GALNT5: variants seen among roughly 807,000 people sequenced by gnomAD.
GALNT5 encodes polypeptide N-acetylgalactosaminyltransferase 5.
A neutral mutation model predicts 85.4 loss-of-function variants in GALNT5; 72 were observed. The observed-to-expected ratio is 0.84, with a 90% CI of 0.70 to 1.03. The LOEUF (loss-of-function observed/expected upper bound fraction) is 1.03. GALNT5 is among the 50% of genes least tolerant of loss of function. The pLI is 0.00. For synonymous variants in GALNT5, 404 were observed against 397.0 expected (o/e 1.02, Z -0.21); for missense variants, 1,137 against 1,135.5 (o/e 1.00, Z -0.02).
intron 1 of GALNT5, among the ~76,000 whole-genome samples, chr2:157,280,447 G>A (rs1187793744): frequency 1.3e-5 from 2 of 152,198 alleles, no homozygotes; most frequent in East Asian, 3.9e-4. Context: ...AAAGAGGCAA[G>A]GAACAGAATG....
intron 2 of GALNT5, among the ~76,000 whole-genome samples, chr2:157,285,263 C>G (rs1411228163): frequency 1.3e-5 from 2 of 152,154 alleles, no homozygotes; most frequent in African/African-American, 4.8e-5. Context: ...GGCTGAAAAA[C>G]ATAAAATGTG....
chr2:157,259,952 C>T (rs752046799), intron 1 of GALNT5, among the ~76,000 whole-genome samples: 2 of 152,206 alleles, frequency 1.3e-5, no homozygotes, highest in Non-Finnish European at 2.9e-5. Flanking sequence ...GGGAAAGAAG[C>T]ACACAGAAGG....
At chr2:157,287,251 G>A (rs143217523) in intron 3 of GALNT5, among the ~76,000 whole-genome samples, 516 of 152,244 alleles carry the variant, frequency 3.4e-3, no homozygotes, top group Middle Eastern at 0.014. Context: ...TTACCCAATG[G>A]TTTTTAGTAT....
chr2:157,272,867 A>T (rs1299662738), intron 1 of GALNT5, among the ~76,000 whole-genome samples: 1 of 152,190 alleles, frequency 6.6e-6, no homozygotes, highest in African/African-American at 2.4e-5. Flanking sequence ...ATTTGGATAT[A>T]TACCTAGTAA....
At chr2:157,285,489 A>C (rs900033467) in intron 2 of GALNT5, among the ~76,000 whole-genome samples, 2 of 152,170 alleles carry the variant, frequency 1.3e-5, no homozygotes, top group African/African-American at 4.8e-5. Flanking sequence ...AGTCACATAA[A>C]CATAGCTCAT....
At chr2:157,294,499 GGT>G (rs776038315) in intron 3 of GALNT5, among the ~76,000 whole-genome samples, 11 of 152,174 alleles carry the variant, frequency 7.2e-5, no homozygotes, top group Non-Finnish European at 1.3e-4. Context: ...TCCTGGCAGA[GGT>G]TTTGGCCTGA....
chr2:157,305,653 A>T lies in GALNT5; in HGVS notation c.2440-96A>T. The T allele has an allele frequency of 4.2e-6, 3 of 715,124 alleles. No homozygotes were observed. In the East Asian group the frequency reaches 8.1e-5, roughly 19 times the overall value. The allele number at this position is 715,124 out of a possible 1,614,324, so 44.3% of individuals were successfully genotyped here. Reference sequence around the variant, plus strand: ...TGCTAAGCTATTAACTTTTAACCTTATTATAGTTTTATATTCTGTATTTTC... The same window carrying T: ...TGCTAAGCTATTAACTTTTAACCTTTTTATAGTTTTATATTCTGTATTTTC... On this transcript the variant is annotated intron_variant, in intron 7 of 9. Transcript: ENST00000259056.
intron 1 of GALNT5, among the ~76,000 whole-genome samples, chr2:157,281,924 T>A (rs979781355): frequency 1.3e-5 from 2 of 152,180 alleles, no homozygotes; most frequent in African/African-American, 4.8e-5. Flanking sequence ...CTGTTCAGAG[T>A]ACAAATGTGA....
At chr2:157,310,525 T>C (rs1683547164) in intron 9 of GALNT5, among the ~76,000 whole-genome samples, 1 of 152,166 alleles carries the variant, frequency 6.6e-6, no homozygotes, top group Non-Finnish European at 1.5e-5. Flanking sequence ...TTTTTAAAGT[T>C]TAAAAACAAC....
chr2:157,258,904 G>C lies in GALNT5; in HGVS notation c.822G>C (p.Thr274=). The C allele has an allele frequency of 2.6e-6, 4 of 1,560,330 alleles. No homozygotes were observed. Among genetic ancestry groups the C allele is most frequent in the African/African-American group, 1.4e-5 (1 of 72,882 alleles). ...EVNANKHKAN[T]SLPFPKFTVN... ...ATGCAAATAAACACAAAGCCAATAC[G>C]AGTCTTCCTTTTCCTAAGTTCACTG... The change falls in exon 1 of 10, where the codon ACG becomes ACC. Residue 274 remains threonine (T), a synonymous_variant. Coordinates refer to ENST00000259056, the MANE Select transcript of GALNT5 (RefSeq NM_014568.3).
chr2:157,279,058 T>C (rs956609151), intron 1 of GALNT5, among the ~76,000 whole-genome samples: 6 of 152,254 alleles, frequency 3.9e-5, no homozygotes, highest in African/African-American at 1.4e-4. Flanking sequence ...TTAGTTTTCC[T>C]TCTAACAGTC....
rs1019493487 is a variant in GALNT5 at position 157,311,089 on chromosome 2, G to A, written c.2683-119G>A. The A allele has an allele frequency of 7.6e-6, 6 of 789,732 alleles. No individual in the cohort carries two copies. The African/African-American group carries it at 8.8e-5, about 12-fold the overall frequency. The allele number at this position is 789,732 out of a possible 1,614,324, so 48.9% of individuals were successfully genotyped here. On this transcript the variant is annotated intron_variant, in intron 9 of 9. Transcript: ENST00000259056. ...TTTATGTTAATAATTTAGTTCAGAA[G>A]AATTCTTAAAAATCAAAAATATAAC...
intron 1 of GALNT5, among the ~76,000 whole-genome samples, chr2:157,268,501 T>C (rs994862505): frequency 6.6e-6 from 1 of 152,232 alleles, no homozygotes; most frequent in Non-Finnish European, 1.5e-5. Context: ...ACATCCATTA[T>C]CTCATCAAAT....
At chr2:157,284,740 C>T (rs890659763) in intron 2 of GALNT5, among the ~76,000 whole-genome samples, 1 of 152,144 alleles carries the variant, frequency 6.6e-6, no homozygotes, top group Non-Finnish European at 1.5e-5. Flanking sequence ...GTTTAGATGT[C>T]CTCTACAATT....
Position 157,266,792 on chromosome 2 carries a change from C to T in GALNT5, c.1454+7256C>T, listed in dbSNP as rs76095248. On this transcript the variant is annotated intron_variant, in intron 1 of 9. Coordinates refer to ENST00000259056, the MANE Select transcript of GALNT5 (RefSeq NM_014568.3). Reference sequence around the variant, plus strand: ...TTTCCACAGGTGACAGCTTTTCCTTCCTTTGTTTCCTTATAGTCATATGAC... The same window carrying T: ...TTTCCACAGGTGACAGCTTTTCCTTTCTTTGTTTCCTTATAGTCATATGAC... Among the ~76,000 whole-genome samples, 671 of 152,326 alleles carry T rather than the reference C, an allele frequency of 4.4e-3. 8 individuals are homozygous for T. The highest frequency in any genetic ancestry group is 0.016 in the African/African-American group (650 of 41,570).
chr2:157,261,668 C>T (rs1682342678), intron 1 of GALNT5, among the ~76,000 whole-genome samples: 2 of 152,194 alleles, frequency 1.3e-5, no homozygotes, highest in Admixed American at 1.3e-4. Context: ...TAGTCCTCTT[C>T]TTTGAAAGAG....
chr2:157,258,853 A>G lies in GALNT5; in HGVS notation c.771A>G (p.Lys257=). ...CTGGGGAAGCCATGGCCTTAAACAA[A>G]ACTAAGACTCAGAGCAAAGAAGTCA... ...PKSGEAMALN[K]TKTQSKEVNA... Residue 257 remains lysine, a synonymous_variant, in exon 1 of 10, where the codon AAA becomes AAG. Coordinates refer to ENST00000259056, the MANE Select transcript of GALNT5 (RefSeq NM_014568.3). The G allele has an allele frequency of 6.3e-7, 1 of 1,576,536 alleles. No individual in the cohort carries two copies.
chr2:157,258,010 G>GCTGCTGCTA lies in GALNT5; in HGVS notation c.-71_-70insGCTGCTACT. The stretch of plus-strand genomic sequence containing the variant: ...CTCTGCTGCTGCTGCTGCTGCTGCT[G>GCTGCTGCTA]CTACTTCAGCTTCCTCTCCACTCAA... On this transcript the variant is annotated 5_prime_UTR_variant, in exon 1 of 10. Coordinates refer to ENST00000259056, the MANE Select transcript of GALNT5 (RefSeq NM_014568.3). 1 of 1,516,080 alleles carries GCTGCTGCTA rather than the reference G, an allele frequency of 6.6e-7. No individual in the cohort carries two copies. Among genetic ancestry groups the GCTGCTGCTA allele is most frequent in the Non-Finnish European group, 9.1e-7 (1 of 1,103,764 alleles). The allele number at this position is 1,516,080 out of a possible 1,614,324, so 93.9% of individuals were successfully genotyped here. A position where few individuals can be genotyped will look rare whatever the true frequency, so the allele number is the denominator to read the frequency against.
intron 1 of GALNT5, among the ~76,000 whole-genome samples, chr2:157,276,695 T>C (rs201336278): frequency 6.6e-6 from 1 of 152,216 alleles, no homozygotes; most frequent in African/African-American, 2.4e-5. Context: ...TTTTATTGCA[T>C]CTATTTGATT....
Sources: gnomAD v4.1 joint callset for allele counts (sites outside exome capture counted in the v4.1 genomes callset) on GRCh38, gnomAD v4.1.1 for gene constraint, MANE v1.5 for transcripts, NCBI Gene and HGNC (gene_info 2026-07-23, HGNC 2026-07-21) for gene names.